Variants in BTLA observed in about 807,000 individuals in gnomAD.
The protein encoded by BTLA is B- and T-lymphocyte attenuator.
BTLA carries 11 observed loss-of-function variants against 25.0 expected under a neutral mutation model. The ratio of observed to expected loss-of-function variants is 0.44; its 90% CI spans 0.28 to 0.73. BTLA has a LOEUF of 0.73. BTLA is among the 30% of genes least tolerant of loss of function. BTLA has a pLI of 0.15. For missense variants in BTLA, 282 were observed against 332.8 expected, an observed-to-expected ratio of 0.85 and a Z score of 1.19; for synonymous variants, 104 against 119.8, an observed-to-expected ratio of 0.87 and a Z score of 0.86.
At chr3:112,482,135 G>T (rs1023345264) in intron 1 of BTLA, among the ~76,000 whole-genome samples, 1 of 152,144 alleles carries the variant, frequency 6.6e-6, no homozygotes, top group African/African-American at 2.4e-5. Flanking sequence ...GATCCTAAAA[G>T]TATTTTCTTT....
In BTLA at chr3:112,465,122, C is replaced by T. The variant is rs979082080; in HGVS notation, c.*986G>A. The T allele has an allele frequency of 1.3e-5, 2 of 152,224 alleles. No individual in the cohort carries two copies. The highest frequency in any genetic ancestry group is 4.8e-5 in the African/African-American group (2 of 41,362). 9.4% of individuals were successfully genotyped at this position (152,224 alleles called of 1,614,324 possible). ...AAATATGTCACTACAGATGATTTGC[C>T]CTGATTCCTTAGTAAGAAGAACAGC... On this transcript the variant is annotated 3_prime_UTR_variant, in exon 5 of 5. Transcript: ENST00000334529.
intron 1 of BTLA, among the ~76,000 whole-genome samples, chr3:112,497,692 T>A (rs1466123600): frequency 6.6e-6 from 1 of 152,096 alleles, no homozygotes; most frequent in Non-Finnish European, 1.5e-5. Flanking sequence ...TAAAGATGTT[T>A]GAGTAACTAA....
intron 1 of BTLA, among the ~76,000 whole-genome samples, chr3:112,485,897 G>A (rs2082344516): frequency 6.6e-6 from 1 of 152,224 alleles, no homozygotes. Flanking sequence ...TGGATCACGA[G>A]GTCAGGAGAT....
intron 1 of BTLA, among the ~76,000 whole-genome samples, chr3:112,488,444 G>A (rs1413358722): frequency 2.6e-5 from 4 of 152,076 alleles, no homozygotes; most frequent in African/African-American, 4.8e-5. Flanking sequence ...GGATGGTCTC[G>A]ATCTCCTGAC....
At chr3:112,483,548 G>C (rs150710592) in intron 1 of BTLA, among the ~76,000 whole-genome samples, 1 of 152,114 alleles carries the variant, frequency 6.6e-6, no homozygotes, top group African/African-American at 2.4e-5. Context: ...CTTGAGGGAC[G>C]TTGCATGCTG....
At chr3:112,498,969 G>A (rs1433832369) in intron 1 of BTLA, among the ~76,000 whole-genome samples, 1 of 152,164 alleles carries the variant, frequency 6.6e-6, no homozygotes, top group Non-Finnish European at 1.5e-5. Flanking sequence ...GCAAGAAGTA[G>A]TGATAGATTT....
At position 112,464,800 on chromosome 3, in the gene BTLA, C is replaced by CA. The variant is rs774440200; in HGVS notation, c.*1307dup. The stretch of plus-strand genomic sequence containing the variant: ...TTCTGTTGTCACCCACCCCACCTAA[C>CA]ACACACACACACACACACACACACA... On this transcript the variant is annotated 3_prime_UTR_variant, in exon 5 of 5. Transcript: ENST00000334529. The CA allele has an allele frequency of 9.5e-6, 1 of 105,572 alleles. No homozygotes were observed. The highest frequency in any genetic ancestry group is 1.8e-5 in the Non-Finnish European group (1 of 55,056). The allele number at this position is 105,572 out of a possible 1,614,324, so 6.5% of individuals were successfully genotyped here. A position where few individuals can be genotyped will look rare whatever the true frequency, so the allele number is the denominator to read the frequency against.
At chr3:112,478,014 T>A (rs1195306573) in intron 2 of BTLA, among the ~76,000 whole-genome samples, 1 of 151,958 alleles carries the variant, frequency 6.6e-6, no homozygotes, top group African/African-American at 2.4e-5. Flanking sequence ...TCTTTTTTTT[T>A]TTTTTTAACT....
intron 1 of BTLA, among the ~76,000 whole-genome samples, chr3:112,498,011 C>G (rs2082419060): frequency 6.6e-6 from 1 of 152,000 alleles, no homozygotes; most frequent in South Asian, 2.1e-4. Flanking sequence ...TGCATTGCAT[C>G]CATAGCTTGG....
intron 1 of BTLA, among the ~76,000 whole-genome samples, chr3:112,481,958 G>A (rs902226912): frequency 2.6e-5 from 4 of 152,118 alleles, no homozygotes; most frequent in Admixed American, 6.5e-5. Flanking sequence ...TCTGCTTTCC[G>A]TAAAGTCCTA....
At chr3:112,477,930 C>G (rs547922187) in intron 2 of BTLA, among the ~76,000 whole-genome samples, 1 of 151,814 alleles carries the variant, frequency 6.6e-6, no homozygotes, top group African/African-American at 2.4e-5. Flanking sequence ...CAATTGACTA[C>G]GGATGTATGG....
intron 3 of BTLA, among the ~76,000 whole-genome samples, chr3:112,470,885 C>A (rs2082258481): frequency 6.6e-6 from 1 of 152,116 alleles, no homozygotes; most frequent in Non-Finnish European, 1.5e-5. Flanking sequence ...AACTTCCAAT[C>A]CTGTTAAGGT....
rs1379425363 is a variant in BTLA at position 112,469,805 on chromosome 3, C to T, written c.548-1G>A. 1 of 1,608,014 alleles carries T rather than the reference C, an allele frequency of 6.2e-7. No individual in the cohort carries two copies. The highest frequency in any genetic ancestry group is 8.5e-7 in the Non-Finnish European group (1 of 1,178,246). ...GTGTCAGAGAGTTCATTTTGCTTTC[C>T]TGGAAGACAAAAAGAAAAAGAAGTA... On this transcript the variant is annotated splice_acceptor_variant, in intron 3 of 4. Coordinates refer to ENST00000334529, the MANE Select transcript of BTLA (RefSeq NM_181780.4). LOFTEE classifies it high-confidence loss of function.
At chr3:112,488,431 C>T (rs1399792628) in intron 1 of BTLA, among the ~76,000 whole-genome samples, 3 of 152,102 alleles carry the variant, frequency 2.0e-5, no homozygotes, top group African/African-American at 7.2e-5. Flanking sequence ...ACCCGGTTAA[C>T]CAGGATGGTC....
At chr3:112,468,727 A>G (rs1361377744) in intron 4 of BTLA, among the ~76,000 whole-genome samples, 1 of 152,146 alleles carries the variant, frequency 6.6e-6, no homozygotes, top group Admixed American at 6.5e-5. Flanking sequence ...ATTATTTACT[A>G]TAGAAAGAAA....
chr3:112,477,907 C>T (rs2082297410), intron 2 of BTLA, among the ~76,000 whole-genome samples: 1 of 151,834 alleles, frequency 6.6e-6, no homozygotes, highest in South Asian at 2.1e-4. Context: ...ATCTTGGTAC[C>T]CTTATCAAAA....
chr3:112,488,617 T>TTTG (rs999291611), intron 1 of BTLA, among the ~76,000 whole-genome samples: 17 of 151,094 alleles, frequency 1.1e-4, no homozygotes, highest in Admixed American at 8.6e-4. Flanking sequence ...TCACTCCTTT[T>TTTG]TTGTTGTTGT....
At chr3:112,474,660 A>C (rs2082279701) in intron 2 of BTLA, among the ~76,000 whole-genome samples, 1 of 152,208 alleles carries the variant, frequency 6.6e-6, no homozygotes. Flanking sequence ...AAAAGGAGTG[A>C]TCCCTTCCCC....
At chr3:112,473,611 C>CTTTTTTTT (rs777897332) in intron 2 of BTLA, among the ~76,000 whole-genome samples, 5 of 115,154 alleles carry the variant, frequency 4.3e-5, no homozygotes, top group African/African-American at 7.4e-5. Flanking sequence ...TTTTCTTCTT[C>CTTTTTTTT]TTTTTTTTTT....
Sources: gnomAD v4.1 joint callset for allele counts (sites outside exome capture counted in the v4.1 genomes callset) on GRCh38, gnomAD v4.1.1 for gene constraint, MANE v1.5 for transcripts, NCBI Gene and HGNC (gene_info 2026-07-23, HGNC 2026-07-21) for gene names.